Variants in CHST3 observed in about 807,000 individuals in gnomAD.
CHST3 encodes carbohydrate sulfotransferase 3, also known as C6ST-1.
In CHST3, 20 loss-of-function variants were observed where a neutral mutation model predicts 35.4. That is an observed-to-expected ratio of 0.57 (90% CI 0.40 to 0.82). The LOEUF is 0.82. CHST3 is among the 40% of genes least tolerant of loss of function. The pLI, the probability that CHST3 is intolerant of heterozygous loss-of-function variation, is 0.00. For synonymous variants in CHST3, 334 were observed against 295.9 expected (o/e 1.13, Z -1.32); for missense variants, 693 against 670.1 (o/e 1.03, Z -0.38).
At chr10:71,966,572 C>T (rs1203716267) in intron 1 of CHST3, among the ~76,000 whole-genome samples, 2 of 152,146 alleles carry the variant, frequency 1.3e-5, no homozygotes, top group Admixed American at 6.5e-5. Context: ...CTGAAATTAG[C>T]AAGGCATGTG....
At chr10:71,990,940 T>A (rs1352346910) in intron 1 of CHST3, among the ~76,000 whole-genome samples, 1 of 152,218 alleles carries the variant, frequency 6.6e-6, no homozygotes, top group African/African-American at 2.4e-5. Flanking sequence ...AATCTTAGTA[T>A]TTAACACAGC....
chr10:72,006,708 T>A (rs1840041659), intron 2 of CHST3, among the ~76,000 whole-genome samples: 1 of 152,194 alleles, frequency 6.6e-6, no homozygotes, highest in African/African-American at 2.4e-5. Flanking sequence ...TTAGCTAAGA[T>A]GGGTGGGTCA....
rs767254314 is a variant in CHST3, at chr10:72,008,024, C to T, written c.993C>T (p.Asp331=). The T allele has an allele frequency of 9.0e-6, 14 of 1,549,382 alleles. No homozygotes were observed. The African/African-American group carries it at 1.5e-4, about 17-fold the overall frequency. ...WKKWLDDEGQ[D]GLREEEVQRL... ...AGTGGCTGGACGACGAGGGCCAGGACGGCCTGAGGGAAGAGGAGGTGCAGC... is the reference window on the plus strand; with the variant it reads ...AGTGGCTGGACGACGAGGGCCAGGATGGCCTGAGGGAAGAGGAGGTGCAGC... Residue 331 remains aspartate (D), a synonymous_variant, in exon 3 of 3, where the codon GAC becomes GAT. Transcript: ENST00000373115.
rs1839910407 is a variant in CHST3 at position 71,992,843 on chromosome 10, G to A, written c.-107-12893G>A. On this transcript the variant is annotated intron_variant, in intron 1 of 2. Coordinates refer to ENST00000373115, the MANE Select transcript of CHST3 (RefSeq NM_004273.5). ...GCTTGGCTAATTTTTTGTATTTTTAGTAGAGGCAGGGTTTCACCATGTTGG... is the reference window on the plus strand; with the variant it reads ...GCTTGGCTAATTTTTTGTATTTTTAATAGAGGCAGGGTTTCACCATGTTGG... Among the ~76,000 whole-genome samples the A allele has an allele frequency of 4.6e-5, 6 of 131,234 alleles. No individual in the cohort carries two copies. In the Admixed American group the frequency reaches 4.7e-4, roughly 10 times the overall value. The allele number at this position is 131,234 out of a possible 152,430, so 86.1% of individuals were successfully genotyped here. A position where few individuals can be genotyped will look rare whatever the true frequency, so the allele number is the denominator to read the frequency against.
chr10:71,970,353 A>G, intron 1 of CHST3, among the ~76,000 whole-genome samples: 1 of 152,082 alleles, frequency 6.6e-6, no homozygotes, highest in East Asian at 1.9e-4. Flanking sequence ...ACTCTATGAA[A>G]AGGATTTGGA....
chr10:72,007,386 AAGG>A lies in CHST3; in HGVS notation c.364_366del (p.Glu122del), dbSNP rs776289423. 3 of 1,606,182 alleles carry A rather than the reference AAGG, an allele frequency of 1.9e-6. No homozygotes were observed. The highest frequency in any genetic ancestry group is 2.2e-5 in the East Asian group (1 of 44,718). On this transcript the variant is annotated inframe_deletion, in exon 3 of 3. Transcript: ENST00000373115. ...AGGGGAGGAAGAGGAAGAGCAGAGAAAGGAGGAGGAGCCGCCCAGACCGGCCGT... is the reference window on the plus strand; with the variant it reads ...AGGGGAGGAAGAGGAAGAGCAGAGAAAGGAGGAGCCGCCCAGACCGGCCGT...
intron 1 of CHST3, among the ~76,000 whole-genome samples, chr10:71,978,259 G>T (rs961263009): frequency 6.6e-6 from 1 of 152,056 alleles, no homozygotes; most frequent in East Asian, 1.9e-4. Flanking sequence ...CCAGCTACTC[G>T]GGAGGCTGAG....
At chr10:71,976,240 C>A (rs1037192285) in intron 1 of CHST3, among the ~76,000 whole-genome samples, 7 of 152,202 alleles carry the variant, frequency 4.6e-5, no homozygotes, top group Admixed American at 2.0e-4. Context: ...GATGCCAACA[C>A]CACCCTGGTC....
chr10:71,989,892 T>A (rs752150187), intron 1 of CHST3, among the ~76,000 whole-genome samples: 1 of 152,238 alleles, frequency 6.6e-6, no homozygotes, highest in Non-Finnish European at 1.5e-5. Flanking sequence ...CAGCATTTTA[T>A]GTCAGCCCTC....
At chr10:71,992,968 T>C (rs1326973754) in intron 1 of CHST3, among the ~76,000 whole-genome samples, 3 of 152,158 alleles carry the variant, frequency 2.0e-5, no homozygotes, top group Non-Finnish European at 2.9e-5. Context: ...AGACAATTTA[T>C]AGAATATTCT....
rs12246941 is a variant in CHST3, at chr10:71,976,632, G to A, written c.-108+11938G>A. 5.2e-3 allele frequency among the ~76,000 whole-genome samples: 793 copies of A among 152,246 alleles called. 10 individuals carry two copies. Among genetic ancestry groups the A allele is most frequent in the African/African-American group, 0.018 (752 of 41,528 alleles). ...CCCAATGGTTGCTGTAATAATTTCTGGGGAGCTGTCTTTGCTCTTGCAGAG... is the reference window on the plus strand; with the variant it reads ...CCCAATGGTTGCTGTAATAATTTCTAGGGAGCTGTCTTTGCTCTTGCAGAG... On this transcript the variant is annotated intron_variant, in intron 1 of 2. Transcript: ENST00000373115.
At chr10:72,005,055 G>T (rs1394926614) in intron 1 of CHST3, among the ~76,000 whole-genome samples, 1 of 152,152 alleles carries the variant, frequency 6.6e-6, no homozygotes, top group East Asian at 1.9e-4. Flanking sequence ...AGCCTGGGAG[G>T]TTGAGGCTGC....
intron 1 of CHST3, among the ~76,000 whole-genome samples, chr10:71,991,430 G>A (rs1441120149): frequency 6.6e-6 from 1 of 152,140 alleles, no homozygotes; most frequent in Non-Finnish European, 1.5e-5. Context: ...AGGGGATTAT[G>A]TTCACTCCAG....
intron 1 of CHST3, among the ~76,000 whole-genome samples, chr10:71,970,695 G>A (rs1564523667): frequency 2.0e-5 from 3 of 152,184 alleles, no homozygotes; most frequent in South Asian, 2.1e-4. Context: ...GCAGGCAGAC[G>A]GTGACGTCTT....
At chr10:71,995,449 CT>C (rs1298389764) in intron 1 of CHST3, among the ~76,000 whole-genome samples, 1 of 149,530 alleles carries the variant, frequency 6.7e-6, no homozygotes, top group Non-Finnish European at 1.5e-5. Context: ...AAGAATTTGT[CT>C]TTCGCACTCA....
intron 1 of CHST3, among the ~76,000 whole-genome samples, chr10:72,002,189 C>T (rs966020889): frequency 1.2e-4 from 19 of 152,218 alleles, no homozygotes; most frequent in Middle Eastern, 3.2e-3. Flanking sequence ...GCCTGGGTTT[C>T]CTGTCCAAGT....
At chr10:71,980,921 G>C (rs1839795230) in intron 1 of CHST3, among the ~76,000 whole-genome samples, 1 of 152,188 alleles carries the variant, frequency 6.6e-6, no homozygotes, top group African/African-American at 2.4e-5. Context: ...GTTGCATGTA[G>C]AAAAGGCCTG....
Position 72,009,951 on chromosome 10 carries a change from A to G in CHST3, c.*1480A>G. 6.5e-6 allele frequency: 1 copy of G among 153,100 alleles called. No individual in the cohort carries two copies. Among genetic ancestry groups the G allele is most frequent in the Non-Finnish European group, 1.5e-5 (1 of 68,416 alleles). 9.5% of individuals were successfully genotyped at this position (153,100 alleles called of 1,614,324 possible). ...AGCACTTGGCTCCTGGCAGAGGGAG[A>G]GGACAGGAGGAGGAGCCTTCCCCAG... On this transcript the variant is annotated 3_prime_UTR_variant, in exon 3 of 3. Transcript: ENST00000373115.
chr10:72,007,604 G>A lies in CHST3; in HGVS notation c.573G>A (p.Val191=). The change falls in exon 3 of 3, where the codon GTG becomes GTA. Residue 191 remains valine, a synonymous_variant. Coordinates refer to ENST00000373115, the MANE Select transcript of CHST3 (RefSeq NM_004273.5). ...GCTCGGCCCTGGTGTACCGCGACGT[G>A]CTCAAGCAGCTCTTCCTGTGCGACC... ...AAGSALVYRD[V]LKQLFLCDLY... is the part of the protein sequence containing the mutation. 1 of 1,609,794 alleles carries A rather than the reference G, an allele frequency of 6.2e-7. No individual in the cohort carries two copies. Among genetic ancestry groups the A allele is most frequent in the South Asian group, 1.1e-5 (1 of 90,880 alleles).
Sources: allele counts gnomAD v4.1 joint callset (sites outside exome capture counted in the v4.1 genomes callset), GRCh38; gene constraint gnomAD v4.1.1; transcripts MANE v1.5; gene names NCBI Gene and HGNC (gene_info 2026-07-23, HGNC 2026-07-21).